LY96: variants seen among roughly 807,000 people sequenced by gnomAD.
LY96 encodes myeloid differentiation protein-2.
A neutral mutation model predicts 18.9 loss-of-function variants in LY96; 18 were observed. The ratio of observed to expected loss-of-function variants is 0.95; its 90% confidence interval spans 0.66 to 1.41. LY96 has a LOEUF of 1.41. Ranked by LOEUF, LY96 falls within the 40% of genes most tolerant of loss-of-function variation. The probability of loss-of-function intolerance (pLI) is 0.00; values close to 1 mark genes in which losing one functional copy is unlikely to be tolerated. For missense variants in LY96, 175 were observed against 182.4 expected, an observed-to-expected ratio of 0.96 and a Z score of 0.23; for synonymous variants, 66 against 62.6, an observed-to-expected ratio of 1.06 and a Z score of -0.26.
the LY96 span, among the ~76,000 whole-genome samples, chr8:74,045,797 C>A: frequency 2.6e-5 from 4 of 152,160 alleles, no homozygotes; most frequent in Non-Finnish European, 5.9e-5. Context: ...ACTAGACCAG[C>A]TGGAAGTAAC....
chr8:74,004,454 G>A (rs926736943), intron 1 of LY96, among the ~76,000 whole-genome samples: 1 of 152,196 alleles, frequency 6.6e-6, no homozygotes, highest in Admixed American at 6.5e-5. Context: ...CCACACCAGG[G>A]TAATAATCTC....
At chr8:74,090,640 T>C in the LY96 span, among the ~76,000 whole-genome samples, 5 of 152,202 alleles carry the variant, frequency 3.3e-5, no homozygotes, top group Admixed American at 6.5e-5. Flanking sequence ...TAGTATGTGG[T>C]CAATAGGTGG....
chr8:74,081,017 T>A, the LY96 span, among the ~76,000 whole-genome samples: 11 of 133,748 alleles, frequency 8.2e-5, no homozygotes, highest in African/African-American at 3.8e-4. Context: ...TTTCTTTCTT[T>A]CTTTCTTTCT....
chr8:74,022,984 G>A (rs1816801096), intron 3 of LY96, among the ~76,000 whole-genome samples: 2 of 152,034 alleles, frequency 1.3e-5, no homozygotes, highest in Admixed American at 1.3e-4. Flanking sequence ...CAGAGTCCAG[G>A]GCCCCATATA....
the LY96 span, among the ~76,000 whole-genome samples, chr8:74,070,387 G>A: frequency 6.6e-6 from 1 of 152,080 alleles, no homozygotes. Flanking sequence ...CACCGCGCCC[G>A]GCCTCCCTTT....
chr8:74,045,470 A>G, the LY96 span, among the ~76,000 whole-genome samples: 1 of 152,240 alleles, frequency 6.6e-6, no homozygotes, highest in East Asian at 1.9e-4. Context: ...TATGTTATCC[A>G]AGTCTGAATA....
intron 3 of LY96, among the ~76,000 whole-genome samples, chr8:74,015,808 C>T (rs1322328393): frequency 6.6e-6 from 1 of 152,184 alleles, no homozygotes; most frequent in Non-Finnish European, 1.5e-5. Context: ...TCTGTTCTCC[C>T]TCGCCCTGCC....
At chr8:74,010,208 A>C in intron 3 of LY96, 79 bp downstream of exon 3, 1 of 1,348,280 alleles carries the variant, frequency 7.4e-7, no homozygotes, top group Non-Finnish European at 1.0e-6. Flanking sequence ...ATACATTGAA[A>C]ATGGGAAGTT....
chr8:74,061,431 A>G, the LY96 span, among the ~76,000 whole-genome samples: 7 of 152,230 alleles, frequency 4.6e-5, no homozygotes, highest in African/African-American at 1.4e-4. Flanking sequence ...CTCAGTCTCT[A>G]GAACTGAGAG....
chr8:74,012,982 C>T (rs1010570508), intron 3 of LY96, among the ~76,000 whole-genome samples: 1 of 151,712 alleles, frequency 6.6e-6, no homozygotes, highest in Admixed American at 6.6e-5. Context: ...AAGATCTTAT[C>T]TTGTGGCTCT....
chr8:74,076,531 G>A, the LY96 span, among the ~76,000 whole-genome samples: 2 of 151,824 alleles, frequency 1.3e-5, no homozygotes, highest in African/African-American at 4.8e-5. Flanking sequence ...CACCACGTTG[G>A]CCAGGCTAGT....
At chr8:74,066,025 G>T in the LY96 span, among the ~76,000 whole-genome samples, 1 of 152,218 alleles carries the variant, frequency 6.6e-6, no homozygotes, top group Non-Finnish European at 1.5e-5. Context: ...GTGAGGGAAG[G>T]GTACCATCTT....
chr8:74,069,595 T>C, the LY96 span, among the ~76,000 whole-genome samples: 1 of 152,124 alleles, frequency 6.6e-6, no homozygotes, highest in Non-Finnish European at 1.5e-5. Flanking sequence ...TTTATTTATT[T>C]ATTTATTTTT....
At chr8:74,041,493 A>G in the LY96 span, among the ~76,000 whole-genome samples, 2 of 152,206 alleles carry the variant, frequency 1.3e-5, no homozygotes, top group Admixed American at 1.3e-4. Context: ...CTTCTTGGAG[A>G]GAGCCTATAA....
At chr8:73,998,927 T>C (rs1816208506) in intron 1 of LY96, among the ~76,000 whole-genome samples, 1 of 152,178 alleles carries the variant, frequency 6.6e-6, no homozygotes, top group Admixed American at 6.6e-5. Context: ...CTGGTACTAT[T>C]GTAAATTTGA....
chr8:74,016,070 C>T lies in LY96; in HGVS notation c.331+5941C>T, dbSNP rs545864837. Among the ~76,000 whole-genome samples, 13 of 152,356 alleles carry T rather than the reference C, an allele frequency of 8.5e-5. No homozygotes were observed. In the East Asian group the frequency reaches 2.1e-3, roughly 25 times the overall value. ...AAGCAGGGTGGGGCATTGCCTCACC[C>T]AGGAAGTGCAAGGGGTCAGGGGATT... On this transcript the variant is annotated intron_variant, in intron 3 of 4. Transcript: ENST00000284818.
the LY96 span, among the ~76,000 whole-genome samples, chr8:74,086,103 T>C: frequency 7.5e-3 from 1,146 of 152,280 alleles, 8 homozygotes; most frequent in Non-Finnish European, 0.012. Context: ...GGTTCAACTT[T>C]TTTAGATCCC....
the LY96 span, among the ~76,000 whole-genome samples, chr8:74,037,540 G>A: frequency 6.6e-6 from 1 of 152,146 alleles, no homozygotes; most frequent in Non-Finnish European, 1.5e-5. Context: ...GCTGAGGTGA[G>A]ATGATAGCTT....
At chr8:74,080,045 G>A in the LY96 span, among the ~76,000 whole-genome samples, 1 of 152,182 alleles carries the variant, frequency 6.6e-6, no homozygotes, top group African/African-American at 2.4e-5. Context: ...AATATCATTT[G>A]CAATGAAAAG....
Sources: gnomAD v4.1 joint callset for allele counts (sites outside exome capture counted in the v4.1 genomes callset) on GRCh38, gnomAD v4.1.1 for gene constraint, MANE v1.5 for transcripts, NCBI Gene and HGNC (gene_info 2026-07-23, HGNC 2026-07-21) for gene names.